PCDHGC5: variants seen among roughly 807,000 people sequenced by gnomAD.
PCDHGC5 encodes protocadherin gamma-C5.
In PCDHGC5, 25 loss-of-function variants were observed where a neutral mutation model predicts 59.0. The ratio of observed to expected loss-of-function variants is 0.42; its 90% CI spans 0.31 to 0.59. The LOEUF (loss-of-function observed/expected upper bound fraction) is 0.59, where lower values mean the gene tolerates loss of function less well. Among genes scored for constraint, PCDHGC5 ranks in the 20% least tolerant of loss-of-function variants. The probability of loss-of-function intolerance (pLI) is 0.13; values close to 1 mark genes in which losing one functional copy is unlikely to be tolerated. For synonymous variants in PCDHGC5, 434 were observed against 505.5 expected (o/e 0.86, Z 1.90); for missense variants, 1,067 against 1,206.4 (o/e 0.88, Z 1.71).
intron 3 of PCDHGC5, 87 bp from the exon 4 acceptor site, chr5:141,510,854 TGTATAG>T: frequency 6.2e-7 from 1 of 1,602,320 alleles, no homozygotes; most frequent in Non-Finnish European, 8.5e-7. Flanking sequence ...CCCAGGGTGC[TGTATAG>T]GCATTCATTA....
At position 141,491,613 on chromosome 5, in the gene PCDHGC5, A is replaced by AC; in HGVS notation, c.2377dup (p.Leu793ProfsTer14). On this transcript the variant is annotated frameshift_variant, in exon 1 of 4. Coordinates refer to ENST00000252087, the MANE Select transcript of PCDHGC5 (RefSeq NM_018929.3). LOFTEE classifies it high-confidence loss of function. The surrounding 1 kb of genome is among the most constrained non-coding windows in gnomAD (Gnocchi z 6.9). Reference sequence around the variant, plus strand: ...ACGGCAGTGACTTCACTTTTCTAAGACCCCTCAGCGTTCAGCAGCCCACAG... The same window carrying AC: ...ACGGCAGTGACTTCACTTTTCTAAGACCCCCTCAGCGTTCAGCAGCCCACAG... 6.2e-7 allele frequency: 1 copy of AC among 1,613,568 alleles called. No homozygotes were observed. Among genetic ancestry groups the AC allele is most frequent in the Non-Finnish European group, 8.5e-7 (1 of 1,179,968 alleles).
chr5:141,497,060 G>A (rs1244885752), intron 2 of PCDHGC5, among the ~76,000 whole-genome samples: 1 of 151,952 alleles, frequency 6.6e-6, no homozygotes, highest in African/African-American at 2.4e-5. Context: ...GTGGTGGCAG[G>A]CACCTGTAAT....
intron 3 of PCDHGC5, among the ~76,000 whole-genome samples, chr5:141,506,282 C>G (rs1422321122): frequency 6.6e-6 from 1 of 152,040 alleles, no homozygotes; most frequent in East Asian, 1.9e-4. Flanking sequence ...AACCCTGTCT[C>G]TACTAAAAAT....
At chr5:141,498,971 G>GGGAGGGAAGGAAGGAAGGAAGGAA (rs2099787588) in intron 2 of PCDHGC5, among the ~76,000 whole-genome samples, 6 of 110,972 alleles carry the variant, frequency 5.4e-5, no homozygotes, top group Admixed American at 5.3e-4. Flanking sequence ...GAGGGAGGGA[G>GGGAGGGAAGGAAGGAAGGAAGGAA]GGAAGGAAGG....
chr5:141,490,243 G>A lies in PCDHGC5; in HGVS notation c.1003G>A (p.Val335Met), dbSNP rs1431165990. 1 of 1,614,238 alleles carries A rather than the reference G, an allele frequency of 6.2e-7. No individual in the cohort carries two copies. The highest frequency in any genetic ancestry group is 8.5e-7 in the Non-Finnish European group (1 of 1,180,038). The part of the protein sequence containing the change: ...QGQPAMEGHC[V>M]IQVDVGDVND... The stretch of plus-strand genomic sequence containing the variant: ...ACAGCCTGCCATGGAGGGCCACTGT[G>A]TGATTCAAGTGGATGTGGGGGATGT... Residue 335 changes from valine to methionine, a missense_variant, in exon 1 of 4, where the codon GTG (valine) becomes ATG (methionine). Coordinates refer to ENST00000252087, the MANE Select transcript of PCDHGC5 (RefSeq NM_018929.3). This position sits in a 1 kb window ranked among gnomAD's most constrained non-coding sequence, Gnocchi z 5.4.
At position 141,490,289 on chromosome 5, in the gene PCDHGC5, T is replaced by C; in HGVS notation, c.1049T>C (p.Val350Ala). ...GATGTCAATGACAATGCCCCAGAGG[T>C]GCTATTGGCCTCTTTGGCCAACCCT... ...VGDVNDNAPE[V>A]LLASLANPVL... is the part of the protein sequence containing the mutation. The change falls in exon 1 of 4, where the codon GTG (valine) becomes GCG (alanine). Residue 350 changes from valine to alanine, a missense_variant. Val to Ala is a moderately conservative substitution (Grantham distance 64). Transcript: ENST00000252087. This position sits in a 1 kb window ranked among gnomAD's most constrained non-coding sequence, Gnocchi z 5.4. The C allele has an allele frequency of 1.2e-6, 2 of 1,614,096 alleles. No homozygotes were observed. The highest frequency in any genetic ancestry group is 1.7e-6 in the Non-Finnish European group (2 of 1,180,016).
intron 2 of PCDHGC5, among the ~76,000 whole-genome samples, chr5:141,498,710 T>C (rs2099785302): frequency 1.3e-5 from 2 of 152,108 alleles, no homozygotes. Flanking sequence ...GGTGGGTGGA[T>C]CACCTGAGGT....
chr5:141,499,731 C>T (rs2099794093), intron 2 of PCDHGC5, among the ~76,000 whole-genome samples: 1 of 138,132 alleles, frequency 7.2e-6, no homozygotes, highest in African/African-American at 2.7e-5. Context: ...GTCTCACTCT[C>T]TTGCCCAGGC....
At chr5:141,492,834 G>A (rs544218873) in intron 1 of PCDHGC5, among the ~76,000 whole-genome samples, 7 of 152,214 alleles carry the variant, frequency 4.6e-5, no homozygotes, top group African/African-American at 1.7e-4. Context: ...CCTTCCTCCC[G>A]CAGGAAGTGA....
chr5:141,491,823 C>T lies in PCDHGC5; in HGVS notation c.2460+123C>T, dbSNP rs1242708273. On this transcript the variant is annotated intron_variant, in intron 1 of 3. Transcript: ENST00000252087. The surrounding 1 kb of genome is among the most constrained non-coding windows in gnomAD (Gnocchi z 6.9). ...GCCGGCTTGGTCGCTGGCTGCGCTC[C>T]ACCCGATTCTCGGGATCATTGGACC... The T allele has an allele frequency of 2.7e-6, 4 of 1,479,038 alleles. No homozygotes were observed. Among genetic ancestry groups the T allele is most frequent in the Non-Finnish European group, 3.6e-6 (4 of 1,115,300 alleles). 91.6% of individuals were successfully genotyped at this position (1,479,038 alleles called of 1,614,324 possible).
Position 141,491,902 on chromosome 5 carries a change from G to C in PCDHGC5, c.2460+202G>C. On this transcript the variant is annotated intron_variant, in intron 1 of 3. Transcript: ENST00000252087. This position sits in a 1 kb window ranked among gnomAD's most constrained non-coding sequence, Gnocchi z 6.9. ...AGGGATGGGGCTCCGAGCACCGGGG[G>C]TGGTGGCGACTGTGGGCGAGGGGAG... 7.0e-7 allele frequency: 1 copy of C among 1,429,002 alleles called. No individual in the cohort carries two copies. Among genetic ancestry groups the C allele is most frequent in the Non-Finnish European group, 9.3e-7 (1 of 1,079,426 alleles). The allele number at this position is 1,429,002 out of a possible 1,614,324, so 88.5% of individuals were successfully genotyped here. A position where few individuals can be genotyped will look rare whatever the true frequency, so the allele number is the denominator to read the frequency against.
intron 2 of PCDHGC5, among the ~76,000 whole-genome samples, chr5:141,502,759 C>T (rs535899844): frequency 9.9e-5 from 15 of 152,130 alleles, no homozygotes; most frequent in African/African-American, 3.6e-4. Context: ...CATGTATTTG[C>T]TGGTATTCTT....
intron 3 of PCDHGC5, among the ~76,000 whole-genome samples, chr5:141,506,198 C>T (rs985517638): frequency 3.3e-5 from 5 of 152,156 alleles, no homozygotes; most frequent in Admixed American, 6.5e-5. Context: ...CGCCTGTAAT[C>T]CCAGCACTTT....
chr5:141,502,308 C>T (rs928137926), intron 2 of PCDHGC5, among the ~76,000 whole-genome samples: 2 of 151,586 alleles, frequency 1.3e-5, no homozygotes, highest in Non-Finnish European at 2.9e-5. Flanking sequence ...CTTTCCTCTC[C>T]TTTAATCTGG....
chr5:141,490,288 G>T lies in PCDHGC5; in HGVS notation c.1048G>T (p.Val350Leu), dbSNP rs2099698282. 1.2e-6 allele frequency: 2 copies of T among 1,614,080 alleles called. No homozygotes were observed. Among genetic ancestry groups the T allele is most frequent in the South Asian group, 1.1e-5 (1 of 91,092 alleles). The change falls in exon 1 of 4, where the codon GTG (valine) becomes TTG (leucine). Residue 350 changes from valine (V) to leucine (L), a missense_variant. Physicochemically the swap from Val to Leu is conservative, Grantham distance 32. Transcript: ENST00000252087. This position sits in a 1 kb window ranked among gnomAD's most constrained non-coding sequence, Gnocchi z 5.4. ...GGATGTCAATGACAATGCCCCAGAG[G>T]TGCTATTGGCCTCTTTGGCCAACCC... ...VGDVNDNAPE[V>L]LLASLANPVL...
chr5:141,494,236 T>C (rs1384800217), intron 1 of PCDHGC5, among the ~76,000 whole-genome samples: 7 of 152,128 alleles, frequency 4.6e-5, no homozygotes, highest in Non-Finnish European at 1.0e-4. Flanking sequence ...AAATTAATAA[T>C]GTATTTAGCT....
rs765249445 is a variant in PCDHGC5, at chr5:141,489,754, C to T, written c.514C>T (p.Leu172=). ...VGTNTVSFYT[L]SPNSHFSLNV... ...CACCAATACTGTGAGCTTTTACACT[C>T]TAAGCCCCAACAGCCACTTCTCTCT... is the stretch of plus-strand genomic sequence containing the variant. Residue 172 remains leucine (L), a synonymous_variant, in exon 1 of 4, where the codon CTA becomes TTA. Coordinates refer to ENST00000252087, the MANE Select transcript of PCDHGC5 (RefSeq NM_018929.3). The surrounding 1 kb of genome is among the most constrained non-coding windows in gnomAD (Gnocchi z 4.5). The T allele has an allele frequency of 4.0e-5, 64 of 1,613,992 alleles. No individual in the cohort carries two copies. The South Asian group carries it at 6.8e-4, about 17-fold the overall frequency.
chr5:141,494,903 G>A (rs760748707), intron 2 of PCDHGC5, 38 bp downstream of exon 2: 39 of 1,613,894 alleles, frequency 2.4e-5, no homozygotes, highest in Non-Finnish European at 3.1e-5. Context: ...TCTTCTCTGC[G>A]GCATTTTCTC....
At position 141,493,093 on chromosome 5, in the gene PCDHGC5, A is replaced by G. The variant is rs78102761; in HGVS notation, c.2460+1393A>G. On this transcript the variant is annotated intron_variant, in intron 1 of 3. Transcript: ENST00000252087. The surrounding 1 kb of genome is among the most constrained non-coding windows in gnomAD (Gnocchi z 4.3). ...CTCCAACTCCAGGAGCTTTTATTCA[A>G]AATATATCAATGCCTAACTCTGCTC... 0.034 allele frequency among the ~76,000 whole-genome samples: 5,198 copies of G among 152,282 alleles called. 159 individuals carry two copies. Among genetic ancestry groups the G allele is most frequent in the African/African-American group, 0.079 (3,275 of 41,546 alleles).
Sources: gnomAD v4.1 joint callset for allele counts (sites outside exome capture counted in the v4.1 genomes callset) on GRCh38, gnomAD v4.1.1 for gene constraint, Gnocchi (gnomAD v3.1) non-coding constraint, MANE v1.5 for transcripts, NCBI Gene and HGNC (gene_info 2026-07-23, HGNC 2026-07-21) for gene names.